Variants in PIP5K1B observed in about 807,000 individuals in gnomAD.
PIP5K1B encodes phosphatidylinositol-4-phosphate 5-kinase type 1 beta.
In PIP5K1B, 42 loss-of-function variants were observed where a neutral mutation model predicts 67.0. The ratio of observed to expected loss-of-function variants is 0.63; its 90% CI spans 0.49 to 0.81. PIP5K1B has a LOEUF of 0.81. Among genes scored for constraint, PIP5K1B ranks in the 30% least tolerant of loss-of-function variants. The probability of loss-of-function intolerance (pLI) is 0.00; values close to 1 mark genes in which losing one functional copy is unlikely to be tolerated. For missense variants in PIP5K1B, 459 were observed against 646.3 expected, an observed-to-expected ratio of 0.71 and a Z score of 3.14; for synonymous variants, 214 against 231.4, an observed-to-expected ratio of 0.92 and a Z score of 0.68.
chr9:68,940,554 A>G (rs1827505480), intron 13 of PIP5K1B, 92 bp from the exon 14 acceptor site: 3 of 1,222,714 alleles, frequency 2.5e-6, no homozygotes, highest in African/African-American at 1.5e-5. Flanking sequence ...GATAGGTAAA[A>G]TGAATGCTTT....
intron 14 of PIP5K1B, among the ~76,000 whole-genome samples, chr9:68,970,271 A>T (rs1048726762): frequency 2.0e-5 from 3 of 152,260 alleles, no homozygotes; most frequent in Non-Finnish European, 4.4e-5. Flanking sequence ...CTTCTCACTG[A>T]AACTCTGTGC....
chr9:68,963,514 AAAAC>A (rs1828860688), intron 14 of PIP5K1B, among the ~76,000 whole-genome samples: 1 of 151,992 alleles, frequency 6.6e-6, no homozygotes, highest in Admixed American at 6.6e-5. Flanking sequence ...GAAAAAAAAA[AAAAC>A]AAAACCTAAG....
chr9:68,942,209 T>C (rs760076567), intron 14 of PIP5K1B, among the ~76,000 whole-genome samples: 3 of 152,226 alleles, frequency 2.0e-5, no homozygotes, highest in East Asian at 3.8e-4. Context: ...GTCTGTTTGG[T>C]GCAGCTGAAC....
intron 14 of PIP5K1B, among the ~76,000 whole-genome samples, chr9:68,978,909 G>T (rs145885897): frequency 6.6e-6 from 1 of 152,174 alleles, no homozygotes; most frequent in Non-Finnish European, 1.5e-5. Flanking sequence ...AGCTTTCTAC[G>T]TTTAACTTTC....
chr9:68,725,573 C>A (rs553064117), intron 1 of PIP5K1B, among the ~76,000 whole-genome samples: 1 of 152,276 alleles, frequency 6.6e-6, no homozygotes, highest in South Asian at 2.1e-4. Flanking sequence ...AAGGAGAATT[C>A]TCTCCCATCA....
intron 4 of PIP5K1B, among the ~76,000 whole-genome samples, chr9:68,855,419 C>T (rs1822718110): frequency 6.6e-6 from 1 of 152,152 alleles, no homozygotes; most frequent in Non-Finnish European, 1.5e-5. Flanking sequence ...TTCTCTCTAA[C>T]CTCTATCCCA....
intron 1 of PIP5K1B, among the ~76,000 whole-genome samples, chr9:68,714,803 G>A (rs1032580769): frequency 6.6e-6 from 1 of 152,202 alleles, no homozygotes; most frequent in African/African-American, 2.4e-5. Context: ...GGAAACTCCA[G>A]TGTAGCTCTA....
At chr9:68,948,999 G>T (rs61547334) in intron 14 of PIP5K1B, among the ~76,000 whole-genome samples, 1 of 151,806 alleles carries the variant, frequency 6.6e-6, no homozygotes, top group Non-Finnish European at 1.5e-5. Context: ...TACTTTTTGT[G>T]TGTTACTAAG....
At chr9:68,930,351 C>T (rs1033112766) in intron 12 of PIP5K1B, among the ~76,000 whole-genome samples, 2 of 152,142 alleles carry the variant, frequency 1.3e-5, no homozygotes, top group Non-Finnish European at 2.9e-5. Flanking sequence ...AATTTAGCCA[C>T]TTACCACCCC....
Position 68,825,918 on chromosome 9 carries a change from A to G in PIP5K1B, c.69+3235A>G, listed in dbSNP as rs560144914. 3.9e-5 allele frequency among the ~76,000 whole-genome samples: 6 copies of G among 152,280 alleles called. No individual in the cohort carries two copies. In the South Asian group the frequency reaches 1.2e-3, roughly 32 times the overall value. ...ATGAGTGCTATGATTTCCACGTGTTATTAGGGAACACTCAGTGTTCATGGG... is the reference window on the plus strand; with the variant it reads ...ATGAGTGCTATGATTTCCACGTGTTGTTAGGGAACACTCAGTGTTCATGGG... On this transcript the variant is annotated intron_variant, in intron 4 of 15. Coordinates refer to ENST00000265382, the MANE Select transcript of PIP5K1B (RefSeq NM_003558.4).
At chr9:68,913,650 A>C (rs1345425731) in intron 8 of PIP5K1B, among the ~76,000 whole-genome samples, 1 of 152,136 alleles carries the variant, frequency 6.6e-6, no homozygotes, top group East Asian at 1.9e-4. Flanking sequence ...GATTTTTCCC[A>C]ACCCAAACTC....
intron 2 of PIP5K1B, among the ~76,000 whole-genome samples, chr9:68,816,087 TAA>T (rs1833428731): frequency 1.3e-5 from 2 of 152,188 alleles, no homozygotes; most frequent in Non-Finnish European, 2.9e-5. Flanking sequence ...ACTTGGAAGA[TAA>T]AAGTGTTGTC....
intron 2 of PIP5K1B, among the ~76,000 whole-genome samples, chr9:68,747,844 T>A (rs891626624): frequency 6.6e-6 from 1 of 152,154 alleles, no homozygotes; most frequent in Non-Finnish European, 1.5e-5. Context: ...TAACACTACA[T>A]TGTAAGGAAA....
At chr9:68,864,050 T>C (rs1289552543) in intron 5 of PIP5K1B, 83 bp downstream of exon 5, 22 of 1,316,016 alleles carry the variant, frequency 1.7e-5, no homozygotes, top group Non-Finnish European at 2.4e-5. Context: ...TTTTCTACTA[T>C]GTACATGTTT....
chr9:68,877,106 T>G (rs1823936844), intron 6 of PIP5K1B, among the ~76,000 whole-genome samples: 1 of 152,214 alleles, frequency 6.6e-6, no homozygotes. Context: ...TTTTGCTGAT[T>G]AGATTCTATT....
At chr9:68,733,510 GA>G (rs1486100494) in intron 1 of PIP5K1B, among the ~76,000 whole-genome samples, 2 of 151,848 alleles carry the variant, frequency 1.3e-5, no homozygotes, top group Non-Finnish European at 2.9e-5. Flanking sequence ...AACTCTGTGT[GA>G]CATTTAGATT....
At chr9:69,002,014 C>T (rs954340762) in intron 15 of PIP5K1B, among the ~76,000 whole-genome samples, 25 of 152,188 alleles carry the variant, frequency 1.6e-4, no homozygotes, top group African/African-American at 5.1e-4. Context: ...ACGGCACAGA[C>T]GAGTGTCAGC....
intron 8 of PIP5K1B, among the ~76,000 whole-genome samples, chr9:68,916,948 A>C (rs1202975204): frequency 2.6e-5 from 4 of 152,190 alleles, no homozygotes; most frequent in Non-Finnish European, 2.9e-5. Flanking sequence ...GAATTCAGAC[A>C]TAGAAAAGAT....
chr9:69,004,327 G>GTT (rs1385430086), intron 15 of PIP5K1B, among the ~76,000 whole-genome samples: 1 of 105,960 alleles, frequency 9.4e-6, no homozygotes, highest in African/African-American at 3.2e-5. Flanking sequence ...GGGCGTGTGT[G>GTT]TGTGTGTTTT....
Sources: gnomAD v4.1 joint callset for allele counts (sites outside exome capture counted in the v4.1 genomes callset) on GRCh38, gnomAD v4.1.1 for gene constraint, MANE v1.5 for transcripts, NCBI Gene and HGNC (gene_info 2026-07-23, HGNC 2026-07-21) for gene names.